PACRG: variants seen among roughly 807,000 people sequenced by gnomAD.
PACRG encodes parkin coregulated gene protein.
A neutral mutation model predicts 29.7 loss-of-function variants in PACRG; 29 were observed. The observed-to-expected ratio is 0.98, with a 90% confidence interval of 0.73 to 1.33. The LOEUF (loss-of-function observed/expected upper bound fraction) is 1.33. Among genes scored for constraint, PACRG ranks in the 40% most tolerant of loss-of-function variants. PACRG has a pLI of 0.00. For missense variants in PACRG, 279 were observed against 316.2 expected (o/e 0.88, Z 0.89); for synonymous variants, 116 against 118.7 (o/e 0.98, Z 0.15).
intron 4 of PACRG, among the ~76,000 whole-genome samples, chr6:163,261,461 C>G (rs965249138): frequency 6.6e-6 from 1 of 152,068 alleles, no homozygotes; most frequent in African/African-American, 2.4e-5. Flanking sequence ...GAGATTTTCA[C>G]TCTCCCTCAT....
intron 4 of PACRG, among the ~76,000 whole-genome samples, chr6:163,240,381 G>T (rs1782452912): frequency 6.6e-6 from 1 of 152,186 alleles, no homozygotes; most frequent in Non-Finnish European, 1.5e-5. Context: ...AAGTGTGGCT[G>T]TTTAAGAGAC....
At chr6:162,794,858 G>A (rs1482417629) in intron 1 of PACRG, among the ~76,000 whole-genome samples, 1 of 151,966 alleles carries the variant, frequency 6.6e-6, no homozygotes, top group Admixed American at 6.6e-5. Flanking sequence ...CAGGTAGGAA[G>A]GTAATAAACA....
intron 1 of PACRG, among the ~76,000 whole-genome samples, chr6:162,773,495 T>A (rs1783386894): frequency 5.3e-4 from 5 of 9,472 alleles, no homozygotes; most frequent in Non-Finnish European, 7.0e-4. Flanking sequence ...CAGCTTGTCA[T>A]TTTTTTTTTT....
At chr6:163,105,753 C>T (rs994277483) in intron 4 of PACRG, among the ~76,000 whole-genome samples, 2 of 152,046 alleles carry the variant, frequency 1.3e-5, no homozygotes, top group Non-Finnish European at 2.9e-5. Context: ...TGACGTGATC[C>T]TGTGACTTTA....
intron 4 of PACRG, among the ~76,000 whole-genome samples, chr6:163,283,150 T>C (rs1390416336): frequency 6.6e-6 from 1 of 152,244 alleles, no homozygotes; most frequent in Admixed American, 6.5e-5. Context: ...TTAAAGGGTA[T>C]CTGTAATATA....
intron 4 of PACRG, among the ~76,000 whole-genome samples, chr6:163,220,185 G>A (rs1000560363): frequency 1.2e-4 from 18 of 152,080 alleles, no homozygotes; most frequent in African/African-American, 3.6e-4. Context: ...TGTCTTCTGC[G>A]ACAGATAGAG....
chr6:163,259,692 A>G (rs145741078), intron 4 of PACRG, among the ~76,000 whole-genome samples: 2 of 152,256 alleles, frequency 1.3e-5, no homozygotes, highest in African/African-American at 4.8e-5. Flanking sequence ...CACTCTGACT[A>G]TAAGGTCTTA....
At chr6:163,262,049 C>A (rs1783346739) in intron 4 of PACRG, among the ~76,000 whole-genome samples, 1 of 152,108 alleles carries the variant, frequency 6.6e-6, no homozygotes, top group African/African-American at 2.4e-5. Flanking sequence ...GAAAAGGTGA[C>A]CACAAATATA....
chr6:163,098,532 G>T (rs554257756), intron 4 of PACRG, among the ~76,000 whole-genome samples: 1 of 152,158 alleles, frequency 6.6e-6, no homozygotes. Context: ...CCCAGATGCC[G>T]GGTGACAGTT....
At chr6:163,295,018 G>T (rs1190696850) in intron 4 of PACRG, among the ~76,000 whole-genome samples, 1 of 152,106 alleles carries the variant, frequency 6.6e-6, no homozygotes, top group Non-Finnish European at 1.5e-5. Context: ...ACTTTCCAAG[G>T]TTGTTGTGGG....
chr6:163,073,747 T>C (rs769465137), intron 3 of PACRG, among the ~76,000 whole-genome samples: 6 of 152,128 alleles, frequency 3.9e-5, no homozygotes, highest in Non-Finnish European at 8.8e-5. Flanking sequence ...TAAAATCTAA[T>C]AATCCAATTT....
chr6:162,929,575 A>G (rs1584781806), intron 2 of PACRG, among the ~76,000 whole-genome samples: 2 of 152,074 alleles, frequency 1.3e-5, no homozygotes, highest in South Asian at 4.1e-4. Flanking sequence ...AAAGCTTTCT[A>G]GCTTGATATA....
At chr6:162,994,261 T>C (rs1803743013) in intron 2 of PACRG, among the ~76,000 whole-genome samples, 1 of 147,022 alleles carries the variant, frequency 6.8e-6, no homozygotes, top group Admixed American at 6.7e-5. Flanking sequence ...TGGCGTTCTC[T>C]GTATTTCCTG....
chr6:163,160,593 A>G (rs1202918833), intron 4 of PACRG, among the ~76,000 whole-genome samples: 1 of 152,246 alleles, frequency 6.6e-6, no homozygotes, highest in African/African-American at 2.4e-5. Context: ...AAATTTTAAC[A>G]AAACAACCTT....
At chr6:163,175,894 T>A (rs1382866983) in intron 4 of PACRG, among the ~76,000 whole-genome samples, 1 of 152,214 alleles carries the variant, frequency 6.6e-6, no homozygotes, top group Non-Finnish European at 1.5e-5. Flanking sequence ...CCTTTTCAAT[T>A]TTGTATTTCC....
intron 2 of PACRG, among the ~76,000 whole-genome samples, chr6:162,847,514 A>T (rs534880732): frequency 4.0e-5 from 6 of 148,230 alleles, no homozygotes; most frequent in African/African-American, 1.5e-4. Flanking sequence ...CAGCAATAAC[A>T]TCTAGTATGT....
intron 2 of PACRG, among the ~76,000 whole-genome samples, chr6:162,842,229 C>G (rs1419873739): frequency 1.4e-4 from 20 of 143,966 alleles, no homozygotes; most frequent in Admixed American, 2.8e-4. Flanking sequence ...GTGTGGGAGT[C>G]TAAGTCTCTT....
chr6:163,293,279 C>A (rs1416801667), intron 4 of PACRG, among the ~76,000 whole-genome samples: 2 of 152,186 alleles, frequency 1.3e-5, no homozygotes, highest in Non-Finnish European at 2.9e-5. Flanking sequence ...GCATTGCATG[C>A]ACATGTATAT....
At chr6:163,093,573 C>T (rs774671131) in intron 4 of PACRG, among the ~76,000 whole-genome samples, 31 of 152,150 alleles carry the variant, frequency 2.0e-4, no homozygotes, top group African/African-American at 7.5e-4. Context: ...ATATGGGCTC[C>T]GCCAGCAGAT....
Sources: allele counts gnomAD v4.1 joint callset (sites outside exome capture counted in the v4.1 genomes callset), GRCh38; gene constraint gnomAD v4.1.1; transcripts MANE v1.5; gene names NCBI Gene and HGNC (gene_info 2026-07-23, HGNC 2026-07-21).